MGLL: variants seen among roughly 807,000 people sequenced by gnomAD.
MGLL encodes the protein monoglyceride lipase.
Under a neutral mutation model 29.1 loss-of-function variants are expected in MGLL, and 7 were observed. The ratio of observed to expected loss-of-function variants is 0.24; its 90% confidence interval spans 0.14 to 0.45. The LOEUF (loss-of-function observed/expected upper bound fraction) is 0.45, where lower values mean the gene tolerates loss of function less well. Among genes scored for constraint, MGLL ranks in the 20% least tolerant of loss-of-function variants. The pLI, the probability that MGLL is intolerant of heterozygous loss-of-function variation, is 0.99. For synonymous variants in MGLL, 148 were observed against 168.3 expected, an observed-to-expected ratio of 0.88 and a Z score of 0.93; for missense variants, 356 against 413.6, an observed-to-expected ratio of 0.86 and a Z score of 1.21.
At chr3:127,726,190 A>AAAGAGAAG (rs1553758469) in intron 3 of MGLL, among the ~76,000 whole-genome samples, 1 of 74,274 alleles carries the variant, frequency 1.3e-5, no homozygotes, top group African/African-American at 5.2e-5. Flanking sequence ...GAAAGAAAAG[A>AAAGAGAAG]AAAGAAAGAA....
At chr3:127,821,926 A>G in intron 1 of MGLL, 88 bp from the exon 2 acceptor site, 1 of 1,425,874 alleles carries the variant, frequency 7.0e-7, no homozygotes, top group Non-Finnish European at 9.5e-7. Flanking sequence ...AGAGTCAGTA[A>G]CATTTTTTTA....
chr3:127,821,017 G>A (rs1187671774), intron 2 of MGLL, among the ~76,000 whole-genome samples: 1 of 152,190 alleles, frequency 6.6e-6, no homozygotes, highest in Non-Finnish European at 1.5e-5. Context: ...AACAGGAAAT[G>A]TTCTTGTCAC....
At chr3:127,742,589 CA>C (rs60743176) in intron 3 of MGLL, among the ~76,000 whole-genome samples, 3,900 of 70,076 alleles carry the variant, frequency 0.056, 34 homozygotes, top group African/African-American at 0.15. Context: ...GACTCCGTCC[CA>C]AAAAAAAAAA....
At chr3:127,737,845 T>C (rs370751785) in intron 3 of MGLL, among the ~76,000 whole-genome samples, 7 of 151,796 alleles carry the variant, frequency 4.6e-5, no homozygotes, top group East Asian at 2.0e-4. Context: ...GGTTTCACCA[T>C]GTTGGTCAGG....
At chr3:127,750,988 G>A (rs1237295808) in intron 3 of MGLL, among the ~76,000 whole-genome samples, 2 of 152,188 alleles carry the variant, frequency 1.3e-5, no homozygotes, top group East Asian at 1.9e-4. Flanking sequence ...CTGAGTGTGT[G>A]GAGGGACCAG....
At chr3:127,736,674 T>C (rs370400778) in intron 3 of MGLL, among the ~76,000 whole-genome samples, 3 of 152,232 alleles carry the variant, frequency 2.0e-5, no homozygotes, top group African/African-American at 4.8e-5. Flanking sequence ...GCTACTCCTC[T>C]TGTTTGTTTA....
intron 6 of MGLL, among the ~76,000 whole-genome samples, chr3:127,700,660 C>T (rs2075461451): frequency 6.6e-6 from 1 of 152,218 alleles, no homozygotes; most frequent in Non-Finnish European, 1.5e-5. Flanking sequence ...AGAAGTAGCA[C>T]CTTTGGGTAC....
chr3:127,757,569 C>G (rs1170889564), intron 3 of MGLL, among the ~76,000 whole-genome samples: 1 of 152,152 alleles, frequency 6.6e-6, no homozygotes, highest in Non-Finnish European at 1.5e-5. Context: ...CTGAGATTAG[C>G]TAGATGCCCA....
rs114431676 is a variant in MGLL, at chr3:127,773,685, C to T, written c.262+8104G>A. The stretch of plus-strand genomic sequence containing the variant: ...AGGGACCCTGAGACATGCACGAGGC[C>T]TTGAGTTCAGTATGATGCAGACTAG... On this transcript the variant is annotated intron_variant, in intron 3 of 7. Coordinates refer to ENST00000265052, the MANE Select transcript of MGLL (RefSeq NM_007283.7). Among the ~76,000 whole-genome samples the T allele has an allele frequency of 4.5e-3, 689 of 152,294 alleles. 2 individuals are homozygous for T. Among genetic ancestry groups the T allele is most frequent in the African/African-American group, 0.016 (645 of 41,544 alleles).
chr3:127,806,944 C>T (rs1349122355), intron 2 of MGLL, among the ~76,000 whole-genome samples: 2 of 152,198 alleles, frequency 1.3e-5, no homozygotes, highest in South Asian at 2.1e-4. Context: ...GAAATACTGA[C>T]CTTTAGTTTT....
chr3:127,693,261 G>C (rs559765804), intron 7 of MGLL, among the ~76,000 whole-genome samples: 1 of 152,230 alleles, frequency 6.6e-6, no homozygotes, highest in South Asian at 2.1e-4. Flanking sequence ...CTGCCACCCT[G>C]CCTGGCTTGA....
chr3:127,770,155 G>A (rs1037019876), intron 3 of MGLL, among the ~76,000 whole-genome samples: 3 of 151,890 alleles, frequency 2.0e-5, no homozygotes, highest in Admixed American at 6.6e-5. Flanking sequence ...CCCAAGTAGC[G>A]GGGACAGGTG....
At chr3:127,779,734 C>T (rs2077092137) in intron 3 of MGLL, among the ~76,000 whole-genome samples, 1 of 152,166 alleles carries the variant, frequency 6.6e-6, no homozygotes, top group Non-Finnish European at 1.5e-5. Context: ...CCTTTCCCTC[C>T]CCAACCTTCT....
At chr3:127,720,827 C>A (rs1436306306) in intron 5 of MGLL, among the ~76,000 whole-genome samples, 1 of 152,180 alleles carries the variant, frequency 6.6e-6, no homozygotes, top group Non-Finnish European at 1.5e-5. Flanking sequence ...AAAACATGCA[C>A]AAACAGGAAG....
At chr3:127,818,257 C>G (rs567365066) in intron 2 of MGLL, among the ~76,000 whole-genome samples, 1 of 152,224 alleles carries the variant, frequency 6.6e-6, no homozygotes, top group Non-Finnish European at 1.5e-5. Context: ...GCCACTGCAC[C>G]CGGCCAATAT....
At chr3:127,716,333 G>T (rs994568339) in intron 5 of MGLL, among the ~76,000 whole-genome samples, 1 of 152,272 alleles carries the variant, frequency 6.6e-6, no homozygotes, top group African/African-American at 2.4e-5. Flanking sequence ...TGGGAGAGCT[G>T]CATGAGACTC....
At chr3:127,763,734 G>A (rs993872263) in intron 3 of MGLL, among the ~76,000 whole-genome samples, 11 of 151,888 alleles carry the variant, frequency 7.2e-5, no homozygotes, top group Admixed American at 2.0e-4. Context: ...TTCCCCTCCC[G>A]CCCCTTCTCC....
rs1365686449 is a variant in MGLL at position 127,769,943 on chromosome 3, T to C, written c.262+11846A>G. Among the ~76,000 whole-genome samples, 4 of 152,312 alleles carry C rather than the reference T, an allele frequency of 2.6e-5. No homozygotes were observed. The East Asian group carries it at 7.7e-4, about 29-fold the overall frequency. Reference sequence around the variant, plus strand: ...CATGGCTGCTTTCTTCTTCCACCTGTCATCTCGACATCAGCCTGCCCTTCC... The same window carrying C: ...CATGGCTGCTTTCTTCTTCCACCTGCCATCTCGACATCAGCCTGCCCTTCC... On this transcript the variant is annotated intron_variant, in intron 3 of 7. Transcript: ENST00000265052.
At chr3:127,716,011 C>G in intron 5 of MGLL, 1 of 359,672 alleles carries the variant, frequency 2.8e-6, no homozygotes, top group South Asian at 2.1e-5. Context: ...GGTGAGACCC[C>G]CCGCACCTGC....
Sources: allele counts gnomAD v4.1 joint callset (sites outside exome capture counted in the v4.1 genomes callset), GRCh38; gene constraint gnomAD v4.1.1; transcripts MANE v1.5; gene names NCBI Gene and HGNC (gene_info 2026-07-23, HGNC 2026-07-21).